CA10: variants seen among roughly 807,000 people sequenced by gnomAD.
The protein encoded by CA10 is carbonic anhydrase-related protein 10.
A neutral mutation model predicts 44.2 loss-of-function variants in CA10; 14 were observed. That is an observed-to-expected ratio of 0.32 (90% confidence interval 0.21 to 0.50). The LOEUF (loss-of-function observed/expected upper bound fraction) is 0.50. CA10 is among the 20% of genes least tolerant of loss of function. CA10 has a pLI of 0.99. For missense variants in CA10, 350 were observed against 409.7 expected (o/e 0.85, Z 1.26); for synonymous variants, 159 against 141.6 (o/e 1.12, Z -0.87).
chr17:51,653,702 G>A lies in CA10; in HGVS notation c.500C>T (p.Thr167Met), dbSNP rs777074047. The change falls in exon 5 of 9, where the codon ACG (threonine) becomes ATG (methionine). Residue 167 changes from threonine (T) to methionine (M), a missense_variant. Thr to Met is a moderately conservative substitution (Grantham distance 81). Transcript: ENST00000451037. ...ACTCTTTGCAGCTTCTGTGACATTC[G>A]TATATAGCTCATGGTTATAGTGGAT... ...QLIHYNHELY[T>M]NVTEAAKSPN... 49 of 1,610,366 alleles carry A rather than the reference G, an allele frequency of 3.0e-5. No individual in the cohort carries two copies. The highest frequency in any genetic ancestry group is 4.4e-5 in the South Asian group (4 of 91,002).
chr17:52,098,025 G>T (rs112071067), intron 1 of CA10, among the ~76,000 whole-genome samples: 4 of 152,154 alleles, frequency 2.6e-5, no homozygotes, highest in Admixed American at 2.6e-4. Flanking sequence ...GGGGTGGCAG[G>T]GTGTGGGAGA....
At chr17:51,643,220 TAAAA>T (rs1328378361) in intron 6 of CA10, among the ~76,000 whole-genome samples, 1 of 151,640 alleles carries the variant, frequency 6.6e-6, no homozygotes, top group Non-Finnish European at 1.5e-5. Flanking sequence ...GGGTAGATAA[TAAAA>T]TAAGAATACT....
chr17:52,067,510 C>T (rs922145216), intron 2 of CA10, among the ~76,000 whole-genome samples: 9 of 152,176 alleles, frequency 5.9e-5, no homozygotes, highest in Admixed American at 2.0e-4. Flanking sequence ...ATGCGGGGTG[C>T]GAACTCCTAC....
At chr17:52,048,463 A>G (rs988466022) in intron 2 of CA10, among the ~76,000 whole-genome samples, 4 of 152,066 alleles carry the variant, frequency 2.6e-5, no homozygotes, top group Admixed American at 2.6e-4. Flanking sequence ...AGGACTTGAC[A>G]GTCTGTACAC....
intron 3 of CA10, chr17:51,761,693 C>T (rs1307967258): frequency 6.6e-6 from 1 of 152,168 alleles, no homozygotes; most frequent in Non-Finnish European, 1.5e-5. Context: ...TTTGGTATTT[C>T]ACATTGCTGT....
chr17:51,793,377 G>T (rs2042931384), intron 3 of CA10, among the ~76,000 whole-genome samples: 1 of 152,170 alleles, frequency 6.6e-6, no homozygotes, highest in South Asian at 2.1e-4. Context: ...AGGGTTATTT[G>T]CTTGCCCCTA....
intron 2 of CA10, among the ~76,000 whole-genome samples, chr17:51,998,251 T>A (rs203046): frequency 0.67 from 102,115 of 151,896 alleles, 35,567 homozygotes; most frequent in African/African-American, 0.83. Flanking sequence ...CTCATGGGAG[T>A]AAATGAAGGA....
At chr17:51,888,195 G>C (rs914182603) in intron 3 of CA10, among the ~76,000 whole-genome samples, 1 of 151,434 alleles carries the variant, frequency 6.6e-6, no homozygotes, top group Non-Finnish European at 1.5e-5. Context: ...AAAAGGAGAA[G>C]AAAGGAAAGA....
intron 1 of CA10, among the ~76,000 whole-genome samples, chr17:52,129,817 C>T (rs1417237690): frequency 2.0e-5 from 3 of 152,120 alleles, no homozygotes; most frequent in African/African-American, 7.2e-5. Context: ...CAGACTGGAA[C>T]AAGATTTGTT....
chr17:51,898,698 A>AG lies in CA10; in HGVS notation c.279+32291dup, dbSNP rs374852651. Among the ~76,000 whole-genome samples the AG allele has an allele frequency of 3.6e-4, 55 of 152,200 alleles. No homozygotes were observed. The South Asian group carries it at 5.6e-3, about 15-fold the overall frequency. On this transcript the variant is annotated intron_variant, in intron 3 of 8. Coordinates refer to ENST00000451037, the MANE Select transcript of CA10 (RefSeq NM_020178.5). Reference sequence around the variant, plus strand: ...TGGTCCTGGGCTTTGTCTGGTTGATAGGCTTTTTATTATTGATTCAATTTC... The same window carrying AG: ...TGGTCCTGGGCTTTGTCTGGTTGATAGGGCTTTTTATTATTGATTCAATTTC...
At chr17:51,866,205 T>A (rs1979539301) in intron 3 of CA10, among the ~76,000 whole-genome samples, 1 of 152,210 alleles carries the variant, frequency 6.6e-6, no homozygotes, top group African/African-American at 2.4e-5. Context: ...ACTGCTCCCA[T>A]GTCTGAGCCA....
At chr17:51,748,398 C>T (rs1904781335) in intron 3 of CA10, 2 of 839,366 alleles carry the variant, frequency 2.4e-6, no homozygotes, top group Admixed American at 6.2e-5. Context: ...TTCACTCAAA[C>T]TTCCAATTTC....
At chr17:52,035,754 T>C (rs1162836131) in intron 2 of CA10, among the ~76,000 whole-genome samples, 1 of 152,238 alleles carries the variant, frequency 6.6e-6, no homozygotes, top group Non-Finnish European at 1.5e-5. Flanking sequence ...CTCCAGTTCC[T>C]GCCTCGTTCG....
chr17:51,940,792 C>A (rs1183566555), intron 2 of CA10, among the ~76,000 whole-genome samples: 2 of 152,164 alleles, frequency 1.3e-5, no homozygotes, highest in Admixed American at 6.5e-5. Context: ...TCCTCCCTAA[C>A]CTGGTGCCCT....
chr17:51,683,591 T>C (rs1463074805), intron 4 of CA10, among the ~76,000 whole-genome samples: 1 of 152,190 alleles, frequency 6.6e-6, no homozygotes, highest in Non-Finnish European at 1.5e-5. Context: ...GTGCAATACG[T>C]AAAGCTTTGA....
At chr17:51,695,536 C>A (rs1292284885) in intron 4 of CA10, among the ~76,000 whole-genome samples, 1 of 152,182 alleles carries the variant, frequency 6.6e-6, no homozygotes. Context: ...TGAAACCTCA[C>A]TGAAGTCATT....
chr17:51,717,942 CTA>C (rs1315392419), intron 4 of CA10, among the ~76,000 whole-genome samples: 21 of 139,190 alleles, frequency 1.5e-4, no homozygotes, highest in Admixed American at 1.4e-3. Context: ...AGATTGGAGA[CTA>C]TTATTTTAAG....
intron 2 of CA10, among the ~76,000 whole-genome samples, chr17:52,006,209 A>G (rs1251416156): frequency 6.6e-6 from 1 of 151,844 alleles, no homozygotes. Flanking sequence ...GTTCCTACAG[A>G]AGGAAGTATG....
Position 51,649,261 on chromosome 17 carries a change from G to A in CA10, c.562-7C>T, listed in dbSNP as rs1301627458. 1 of 1,603,742 alleles carries A rather than the reference G, an allele frequency of 6.2e-7. No homozygotes were observed. The highest frequency in any genetic ancestry group is 2.2e-5 in the East Asian group (1 of 44,802). ...GGTTTGATGAATCAGAAACCTGGAGGAGAAAAGAAAATATTAATGACTGGG... is the reference window on the plus strand; with the variant it reads ...GGTTTGATGAATCAGAAACCTGGAGAAGAAAAGAAAATATTAATGACTGGG... On this transcript the variant is annotated splice_polypyrimidine_tract_variant and splice_region_variant and intron_variant, in intron 5 of 8. Coordinates refer to ENST00000451037, the MANE Select transcript of CA10 (RefSeq NM_020178.5).
Sources: gnomAD v4.1 joint callset for allele counts (sites outside exome capture counted in the v4.1 genomes callset) on GRCh38, gnomAD v4.1.1 for gene constraint, MANE v1.5 for transcripts, NCBI Gene and HGNC (gene_info 2026-07-23, HGNC 2026-07-21) for gene names.